NCKAP1: variants seen among roughly 807,000 people sequenced by gnomAD.
The protein encoded by NCKAP1 is NCK associated protein 1, also known as nck-associated protein 1.
In NCKAP1, 21 loss-of-function variants were observed where a neutral mutation model predicts 151.2. The observed-to-expected ratio is 0.14, with a 90% confidence interval of 0.10 to 0.20. The LOEUF (loss-of-function observed/expected upper bound fraction) is 0.20, where lower values mean the gene tolerates loss of function less well. Among genes scored for constraint, NCKAP1 ranks in the 10% least tolerant of loss-of-function variants. The pLI is 1.00. For missense variants in NCKAP1, 933 were observed against 1,352.1 expected (o/e 0.69, Z 4.86); for synonymous variants, 484 against 451.8 (o/e 1.07, Z -0.90).
intron 2 of NCKAP1, among the ~76,000 whole-genome samples, chr2:183,011,700 T>G (rs1251030397): frequency 6.6e-6 from 1 of 152,220 alleles, no homozygotes; most frequent in Non-Finnish European, 1.5e-5. Context: ...TTCGGGGCTA[T>G]CATGAATAAC....
At chr2:183,010,046 T>C (rs1485702497) in intron 2 of NCKAP1, among the ~76,000 whole-genome samples, 1 of 152,226 alleles carries the variant, frequency 6.6e-6, no homozygotes, top group African/African-American at 2.4e-5. Flanking sequence ...AGTCTTCTGT[T>C]TAAATTAATT....
At chr2:183,023,967 T>C in intron 1 of NCKAP1, 51 bp from the exon 2 acceptor site, 1 of 1,280,476 alleles carries the variant, frequency 7.8e-7, no homozygotes, top group Non-Finnish European at 1.1e-6. Context: ...TCTTCTAAAA[T>C]CAAAAATAGC....
At chr2:182,988,210 G>C (rs1448870089) in intron 9 of NCKAP1, among the ~76,000 whole-genome samples, 3 of 152,020 alleles carry the variant, frequency 2.0e-5, no homozygotes. Context: ...GGATATATTG[G>C]CTTACATTTA....
intron 18 of NCKAP1, among the ~76,000 whole-genome samples, chr2:182,957,887 T>C (rs1412150645): frequency 6.6e-6 from 1 of 152,068 alleles, no homozygotes; most frequent in Non-Finnish European, 1.5e-5. Context: ...AGTAAAAACA[T>C]ACCAGGCAAG....
At chr2:183,011,012 A>G (rs1033398486) in intron 2 of NCKAP1, among the ~76,000 whole-genome samples, 2 of 152,216 alleles carry the variant, frequency 1.3e-5, no homozygotes, top group Non-Finnish European at 2.9e-5. Context: ...AGATTTATTT[A>G]TGTCAAGATG....
intron 13 of NCKAP1, among the ~76,000 whole-genome samples, chr2:182,979,761 T>A (rs1034440062): frequency 5.9e-5 from 9 of 152,130 alleles, no homozygotes; most frequent in African/African-American, 1.9e-4. Context: ...GCTCAGGCTT[T>A]GGAGTCAAAA....
At chr2:182,971,605 G>A (rs1697694323) in intron 15 of NCKAP1, among the ~76,000 whole-genome samples, 1 of 151,072 alleles carries the variant, frequency 6.6e-6, no homozygotes, top group South Asian at 2.1e-4. Context: ...AATCAATCCT[G>A]AAAAGTACAA....
chr2:183,002,861 T>C (rs1258193627), intron 4 of NCKAP1, 113 bp downstream of exon 4: 34 of 683,452 alleles, frequency 5.0e-5, no homozygotes, highest in Non-Finnish European at 7.8e-5. Context: ...GCCAAATTAA[T>C]AATGCTAAAA....
intron 16 of NCKAP1, among the ~76,000 whole-genome samples, chr2:182,965,325 T>G (rs1245236926): frequency 6.7e-6 from 1 of 149,932 alleles, no homozygotes; most frequent in African/African-American, 2.5e-5. Context: ...TCAATTTTAT[T>G]TTTTTTTTTA....
chr2:182,989,717 T>C (rs1171696646), intron 8 of NCKAP1, among the ~76,000 whole-genome samples: 1 of 149,808 alleles, frequency 6.7e-6, no homozygotes, highest in Non-Finnish European at 1.5e-5. Flanking sequence ...AAAAAAATTT[T>C]TTTTTAATGG....
intron 21 of NCKAP1, 59 bp downstream of exon 21, chr2:182,953,054 T>A: frequency 6.6e-7 from 1 of 1,508,858 alleles, no homozygotes; most frequent in Non-Finnish European, 8.9e-7. Flanking sequence ...AAAATTAATT[T>A]TCCTAAGTAC....
chr2:182,983,148 T>A, intron 11 of NCKAP1, 138 bp downstream of exon 11: 2 of 727,276 alleles, frequency 2.7e-6, no homozygotes, highest in South Asian at 2.0e-5. Flanking sequence ...GAATGTCAAG[T>A]CAGCAAATTC....
In NCKAP1 at chr2:183,020,631, T is replaced by C. The variant is rs972856884; in HGVS notation, c.219+3175A>G. Among the ~76,000 whole-genome samples the C allele has an allele frequency of 2.6e-5, 4 of 152,186 alleles. No homozygotes were observed. The East Asian group carries it at 5.8e-4, about 22-fold the overall frequency. On this transcript the variant is annotated intron_variant, in intron 2 of 30. Transcript: ENST00000361354. ...AGGTCCCTAAGAAAAAGTAAGCATG[T>C]TCTGTTTCACATATTTACATAATAA...
At chr2:183,010,879 A>T (rs1007473372) in intron 2 of NCKAP1, among the ~76,000 whole-genome samples, 1 of 152,184 alleles carries the variant, frequency 6.6e-6, no homozygotes, top group African/African-American at 2.4e-5. Context: ...CTTTACATTC[A>T]ATTTTAATAA....
intron 17 of NCKAP1, among the ~76,000 whole-genome samples, chr2:182,962,884 T>C (rs1289655038): frequency 1.3e-5 from 2 of 151,846 alleles, no homozygotes; most frequent in Admixed American, 1.3e-4. Flanking sequence ...TTAGTTTTAG[T>C]GGGCTGCAAT....
At chr2:183,025,999 CCA>C (rs961829623) in intron 1 of NCKAP1, among the ~76,000 whole-genome samples, 3 of 152,174 alleles carry the variant, frequency 2.0e-5, no homozygotes, top group African/African-American at 4.8e-5. Flanking sequence ...TTTCCCACAA[CCA>C]CAAATTTTAC....
At chr2:183,011,109 A>C (rs781097585) in intron 2 of NCKAP1, among the ~76,000 whole-genome samples, 29 of 152,176 alleles carry the variant, frequency 1.9e-4, no homozygotes, top group South Asian at 6.2e-4. Context: ...TTCTCTATCA[A>C]TTATCATTTG....
chr2:183,035,040 G>A (rs1699076275), intron 1 of NCKAP1, among the ~76,000 whole-genome samples: 1 of 152,000 alleles, frequency 6.6e-6, no homozygotes, highest in African/African-American at 2.4e-5. Context: ...CTTTAAAAAT[G>A]TTACAAATCT....
intron 24 of NCKAP1, among the ~76,000 whole-genome samples, chr2:182,937,322 T>G (rs990606507): frequency 1.3e-5 from 2 of 152,062 alleles, no homozygotes; most frequent in Non-Finnish European, 2.9e-5. Context: ...GAAACACTGC[T>G]TAATGTATTG....
Sources: allele counts gnomAD v4.1 joint callset (sites outside exome capture counted in the v4.1 genomes callset), GRCh38; gene constraint gnomAD v4.1.1; transcripts MANE v1.5; gene names NCBI Gene and HGNC (gene_info 2026-07-23, HGNC 2026-07-21).